The following VPS37C variants were observed in gnomAD, a reference collection of about 807,000 sequenced individuals.
VPS37C encodes the protein VPS37C subunit of ESCRT-I.
In VPS37C, 9 loss-of-function variants were observed where a neutral mutation model predicts 16.1. The observed-to-expected ratio is 0.56, with a 90% CI of 0.34 to 0.97. The LOEUF (loss-of-function observed/expected upper bound fraction) is 0.97. Ranked by LOEUF, VPS37C falls within the 50% of genes least tolerant of loss-of-function variation. VPS37C has a pLI of 0.02. For synonymous variants in VPS37C, 207 were observed against 206.4 expected (o/e 1.00, Z -0.02); for missense variants, 479 against 472.7 (o/e 1.01, Z -0.12).
At position 61,148,577 on chromosome 11, in the gene VPS37C, T is replaced by G. The variant is rs375357103; in HGVS notation, c.-6-9742A>C. On this transcript the variant is annotated intron_variant, in intron 1 of 4. Coordinates refer to ENST00000301765, the MANE Select transcript of VPS37C (RefSeq NM_017966.5). The stretch of plus-strand genomic sequence containing the variant: ...TTGTTTCCTGACTTCCCACAGGAGG[T>G]TAAAAAAAAAAAAAAAAAAATCAAA... 0.013 allele frequency among the ~76,000 whole-genome samples: 818 copies of G among 64,040 alleles called. 32 individuals are homozygous for G. In the East Asian group the frequency reaches 0.41, roughly 32 times the overall value. The allele number at this position is 64,040 out of a possible 152,430, so 42.0% of individuals were successfully genotyped here.
chr11:61,152,360 ATTC>A (rs1344370242), intron 1 of VPS37C, among the ~76,000 whole-genome samples: 1 of 152,108 alleles, frequency 6.6e-6, no homozygotes, highest in African/African-American at 2.4e-5. Flanking sequence ...TCTCAAATCA[ATTC>A]TTGACTCAGG....
rs117231827 is a variant in VPS37C, at chr11:61,132,460, G to A, written c.428C>T (p.Ser143Phe). The change falls in exon 5 of 5, where the codon TCC becomes TTC. Residue 143 changes from serine (S) to phenylalanine (F), a missense_variant. Coordinates refer to ENST00000301765, the MANE Select transcript of VPS37C (RefSeq NM_017966.5). ...TTCCACGCGAACCCGGCGCAGGTGGGACAGCATCCTCATGGAGGAAAAATT... is the reference window on the plus strand; with the variant it reads ...TTCCACGCGAACCCGGCGCAGGTGGAACAGCATCCTCATGGAGGAAAAATT... ...LENFSSMRMLSHLRRVRVEKL... is the reference protein window; with the variant it reads ...LENFSSMRMLFHLRRVRVEKL... The A allele has an allele frequency of 0.012, 19,467 of 1,613,018 alleles. 146 individuals carry two copies. The highest frequency in any genetic ancestry group is 0.015 in the Non-Finnish European group (17,586 of 1,179,638).
intron 1 of VPS37C, chr11:61,144,690 G>A (rs11230609): frequency 0.074 from 11,236 of 152,448 alleles, 1,110 homozygotes; most frequent in African/African-American, 0.22. Context: ...GGAACGTCAC[G>A]GCCACAGCTC....
chr11:61,160,068 A>G (rs1447070992), intron 1 of VPS37C, among the ~76,000 whole-genome samples: 4 of 152,194 alleles, frequency 2.6e-5, no homozygotes, highest in African/African-American at 9.7e-5. Flanking sequence ...GCCCTAGAAC[A>G]GTGCCCAGCA....
chr11:61,158,585 G>A (rs538529700), intron 1 of VPS37C, among the ~76,000 whole-genome samples: 1 of 152,186 alleles, frequency 6.6e-6, no homozygotes, highest in African/African-American at 2.4e-5. Flanking sequence ...GACTTTATCC[G>A]TGACTAGTTG....
chr11:61,137,374 C>T (rs1404730877), intron 2 of VPS37C, among the ~76,000 whole-genome samples: 1 of 152,184 alleles, frequency 6.6e-6, no homozygotes, highest in African/African-American at 2.4e-5. Context: ...GAGTTCAGAT[C>T]GATGGGACAG....
intron 1 of VPS37C, among the ~76,000 whole-genome samples, chr11:61,151,221 G>A (rs1411022355): frequency 1.3e-5 from 2 of 152,214 alleles, no homozygotes; most frequent in East Asian, 3.8e-4. Context: ...CATCGGTACG[G>A]ATATCTTCAA....
At chr11:61,154,029 G>T (rs1430175703) in intron 1 of VPS37C, among the ~76,000 whole-genome samples, 1 of 152,240 alleles carries the variant, frequency 6.6e-6, no homozygotes, top group African/African-American at 2.4e-5. Flanking sequence ...TGGGCCTAAG[G>T]CTGTTCTGAT....
chr11:61,153,923 G>A (rs187630966), intron 1 of VPS37C, among the ~76,000 whole-genome samples: 4 of 152,266 alleles, frequency 2.6e-5, no homozygotes, highest in East Asian at 1.9e-4. Context: ...ATAGTCTTGC[G>A]TGCCCACCAG....
chr11:61,138,655 A>G (rs1330576227), intron 2 of VPS37C, 82 bp downstream of exon 2: 2 of 1,371,910 alleles, frequency 1.5e-6, no homozygotes, highest in Non-Finnish European at 2.1e-6. Context: ...AAAACTTCCA[A>G]TAAGCCAGCA....
At chr11:61,150,031 G>A (rs1194461676) in intron 1 of VPS37C, among the ~76,000 whole-genome samples, 2 of 152,072 alleles carry the variant, frequency 1.3e-5, no homozygotes, top group South Asian at 2.1e-4. Context: ...TGCTGACCCA[G>A]TCCGTCCCCT....
Position 61,131,505 on chromosome 11 carries a change from T to A in VPS37C, c.*315A>T. ...AAATGGCCCTGAGTGCAGCCGCAAG[T>A]AGATGCTCATAAATGCGCACATGCG... On this transcript the variant is annotated 3_prime_UTR_variant, in exon 5 of 5. Transcript: ENST00000301765. 1 of 303,880 alleles carries A rather than the reference T, an allele frequency of 3.3e-6. No homozygotes were observed. Among genetic ancestry groups the A allele is most frequent in the Non-Finnish European group, 6.0e-6 (1 of 166,820 alleles). 18.8% of individuals were successfully genotyped at this position (303,880 alleles called of 1,614,324 possible).
intron 1 of VPS37C, among the ~76,000 whole-genome samples, chr11:61,146,364 A>G (rs531261951): frequency 2.6e-5 from 4 of 152,368 alleles, no homozygotes; most frequent in African/African-American, 7.2e-5. Context: ...CTAACTCTCA[A>G]GTAACTCAGT....
intron 2 of VPS37C, 76 bp downstream of exon 2, chr11:61,138,661 C>T: frequency 1.4e-6 from 2 of 1,406,878 alleles, no homozygotes; most frequent in Non-Finnish European, 2.0e-6. Context: ...TCCAATAAGC[C>T]AGCATCCTTA....
chr11:61,160,784 TAC>T (rs1565198532), intron 1 of VPS37C, among the ~76,000 whole-genome samples: 1 of 152,198 alleles, frequency 6.6e-6, no homozygotes, highest in Non-Finnish European at 1.5e-5. Flanking sequence ...TGGGTATGTA[TAC>T]ATCAGTGCCC....
In VPS37C at chr11:61,140,401, G is replaced by C. The variant is rs542326877; in HGVS notation, c.-6-1566C>G. ...ACCCTCCCCCCACCCACTCAAGGGTGCCCTGGTTTAAACAACAAATCATAT... is the reference window on the plus strand; with the variant it reads ...ACCCTCCCCCCACCCACTCAAGGGTCCCCTGGTTTAAACAACAAATCATAT... On this transcript the variant is annotated intron_variant, in intron 1 of 4. Coordinates refer to ENST00000301765, the MANE Select transcript of VPS37C (RefSeq NM_017966.5). 9.9e-5 allele frequency among the ~76,000 whole-genome samples: 15 copies of C among 151,524 alleles called. No homozygotes were observed. In the South Asian group the frequency reaches 2.9e-3, roughly 30 times the overall value.
intron 1 of VPS37C, among the ~76,000 whole-genome samples, chr11:61,150,393 T>C (rs1253999754): frequency 6.6e-6 from 1 of 152,122 alleles, no homozygotes; most frequent in Non-Finnish European, 1.5e-5. Context: ...TCCCTAAGGC[T>C]GGCTGTCTTG....
intron 2 of VPS37C, among the ~76,000 whole-genome samples, chr11:61,136,041 T>C (rs552531986): frequency 3.2e-4 from 49 of 152,308 alleles, no homozygotes; most frequent in African/African-American, 1.2e-3. Context: ...AGGGTGACTA[T>C]GGTCAGCAAC....
At chr11:61,138,037 C>T (rs1384518408) in intron 2 of VPS37C, among the ~76,000 whole-genome samples, 1 of 152,242 alleles carries the variant, frequency 6.6e-6, no homozygotes, top group African/African-American at 2.4e-5. Flanking sequence ...ATCAAAGGAG[C>T]TGGCATTGCT....
Sources: gnomAD v4.1 joint callset for allele counts (sites outside exome capture counted in the v4.1 genomes callset) on GRCh38, gnomAD v4.1.1 for gene constraint, MANE v1.5 for transcripts, NCBI Gene and HGNC (gene_info 2026-07-23, HGNC 2026-07-21) for gene names.